Variants in MAD1L1 observed in about 807,000 individuals in gnomAD.
MAD1L1 encodes mitotic arrest deficient 1 like 1.
MAD1L1 carries 95 observed loss-of-function variants against 96.9 expected under a neutral mutation model. The observed-to-expected ratio is 0.98, with a 90% CI of 0.83 to 1.16. MAD1L1 has a LOEUF of 1.16. Ranked by LOEUF, MAD1L1 falls within the 50% of genes most tolerant of loss-of-function variation. The probability of loss-of-function intolerance (pLI) is 0.00; values close to 1 mark genes in which losing one functional copy is unlikely to be tolerated. For synonymous variants in MAD1L1, 473 were observed against 396.6 expected, an observed-to-expected ratio of 1.19 and a Z score of -2.29; for missense variants, 1,007 against 954.4, an observed-to-expected ratio of 1.06 and a Z score of -0.73.
At chr7:1,904,909 C>G (rs375283299) in intron 17 of MAD1L1, among the ~76,000 whole-genome samples, 7,615 of 54,150 alleles carry the variant, frequency 0.14, 1,394 homozygotes, top group Admixed American at 0.21. Flanking sequence ...AGGATGCAGT[C>G]GCCTATGGAA....
chr7:1,995,129 C>A (rs972050403), intron 14 of MAD1L1, among the ~76,000 whole-genome samples: 1 of 152,232 alleles, frequency 6.6e-6, no homozygotes, highest in Non-Finnish European at 1.5e-5. Context: ...AACTTCCCTC[C>A]AATGCAAGAG....
At chr7:1,841,053 T>G (rs1783227705) in intron 18 of MAD1L1, among the ~76,000 whole-genome samples, 1 of 152,202 alleles carries the variant, frequency 6.6e-6, no homozygotes, top group South Asian at 2.1e-4. Flanking sequence ...GGATTAGATG[T>G]GACCAAGGCC....
chr7:1,852,923 A>C (rs888487450), intron 18 of MAD1L1, among the ~76,000 whole-genome samples: 1 of 152,164 alleles, frequency 6.6e-6, no homozygotes, highest in Non-Finnish European at 1.5e-5. Flanking sequence ...CCATGTCTGC[A>C]TCATTTATCC....
At chr7:1,960,553 C>T (rs1779911955) in intron 15 of MAD1L1, among the ~76,000 whole-genome samples, 1 of 152,130 alleles carries the variant, frequency 6.6e-6, no homozygotes, top group Admixed American at 6.5e-5. Context: ...ATATTATTAC[C>T]AAGAAGGTAA....
chr7:1,830,255 C>G (rs182895134), intron 18 of MAD1L1, among the ~76,000 whole-genome samples: 1 of 152,088 alleles, frequency 6.6e-6, no homozygotes, highest in East Asian at 1.9e-4. Context: ...AAATTGGCCA[C>G]GTGCAGTGGC....
At chr7:1,983,146 GCGCGCGCGCACACACACACA>G (rs1315358298) in intron 14 of MAD1L1, among the ~76,000 whole-genome samples, 19 of 130,976 alleles carry the variant, frequency 1.5e-4, no homozygotes, top group African/African-American at 4.0e-4. Context: ...GCGCGCGCGC[GCGCGCGCGCACACACACACA>G]CACACACACA....
chr7:2,232,723 G>A (rs998414834), intron 1 of MAD1L1, 149 bp downstream of exon 1: 3 of 152,612 alleles, frequency 2.0e-5, no homozygotes, highest in Middle Eastern at 3.1e-3. Flanking sequence ...GGGAGACGGG[G>A]CGGGCGCGGG....
At chr7:2,184,145 G>A (rs1396336702) in intron 10 of MAD1L1, among the ~76,000 whole-genome samples, 7 of 152,038 alleles carry the variant, frequency 4.6e-5, no homozygotes, top group Middle Eastern at 3.4e-3. Flanking sequence ...CCAGCTACTC[G>A]GGAGGCTGAG....
At chr7:2,213,082 G>A in intron 10 of MAD1L1, 130 bp downstream of exon 10, 3 of 919,068 alleles carry the variant, frequency 3.3e-6, no homozygotes, top group Non-Finnish European at 5.1e-6. Flanking sequence ...AGCAGCCCAG[G>A]ACAAATGCCC....
At chr7:1,859,600 C>G (rs1784420315) in intron 18 of MAD1L1, among the ~76,000 whole-genome samples, 1 of 152,166 alleles carries the variant, frequency 6.6e-6, no homozygotes, top group African/African-American at 2.4e-5. Flanking sequence ...GGGGACCTTG[C>G]CAGCAAGGAG....
At chr7:1,922,343 G>A (rs761173514) in intron 17 of MAD1L1, among the ~76,000 whole-genome samples, 5 of 152,270 alleles carry the variant, frequency 3.3e-5, no homozygotes, top group Non-Finnish European at 7.3e-5. Context: ...GTGCTGTGGT[G>A]TTAGTGATGC....
intron 10 of MAD1L1, among the ~76,000 whole-genome samples, chr7:2,150,895 CAGA>C (rs1161314009): frequency 6.6e-6 from 1 of 152,234 alleles, no homozygotes; most frequent in East Asian, 1.9e-4. Context: ...GCGATGGGTG[CAGA>C]AGGAGTAGCT....
chr7:2,079,296 G>A (rs1584268765), intron 11 of MAD1L1, among the ~76,000 whole-genome samples: 1 of 152,198 alleles, frequency 6.6e-6, no homozygotes, highest in Non-Finnish European at 1.5e-5. Context: ...GCACGCAGCT[G>A]TTGTTATTTA....
intron 12 of MAD1L1, among the ~76,000 whole-genome samples, chr7:2,061,261 C>A (rs925515438): frequency 2.0e-5 from 3 of 152,168 alleles, no homozygotes; most frequent in South Asian, 2.1e-4. Context: ...TGCTTGAACC[C>A]GGGAGGCGGA....
chr7:1,921,313 ATTC>A (rs1788780037), intron 17 of MAD1L1, among the ~76,000 whole-genome samples: 1 of 151,804 alleles, frequency 6.6e-6, no homozygotes, highest in Non-Finnish European at 1.5e-5. Context: ...AATTTGACTA[ATTC>A]TTTTTTTTTT....
At chr7:2,066,380 C>G (rs1397105188) in intron 12 of MAD1L1, among the ~76,000 whole-genome samples, 1 of 152,252 alleles carries the variant, frequency 6.6e-6, no homozygotes, top group Non-Finnish European at 1.5e-5. Flanking sequence ...ACAGCTTCAT[C>G]ACGGCTGGCT....
At chr7:1,966,684 C>CA (rs1474076754) in intron 15 of MAD1L1, among the ~76,000 whole-genome samples, 5 of 150,750 alleles carry the variant, frequency 3.3e-5, no homozygotes, top group African/African-American at 4.9e-5. Context: ...AAACTGAAGG[C>CA]AAAAAAAATG....
intron 17 of MAD1L1, among the ~76,000 whole-genome samples, chr7:1,927,261 T>C (rs756919064): frequency 6.6e-6 from 1 of 152,212 alleles, no homozygotes; most frequent in Non-Finnish European, 1.5e-5. Flanking sequence ...AGAGCTACAT[T>C]GTGTTCATGT....
rs1410361045 is a variant in MAD1L1 at position 2,156,169 on chromosome 7, ACGG to A, written c.987-6934_987-6932del. Among the ~76,000 whole-genome samples, 85 of 147,326 alleles carry A rather than the reference ACGG, an allele frequency of 5.8e-4. 1 individual carries two copies. The highest frequency in any genetic ancestry group is 1.7e-3 in the African/African-American group (69 of 39,796). On this transcript the variant is annotated intron_variant, in intron 10 of 18. Transcript: ENST00000265854. ...CGGGTGTGGCGAGGGGAGCGGGCGCACGGTTTCACGGCGCGTGTGGCGAGGGGA... is the reference window on the plus strand; with the variant it reads ...CGGGTGTGGCGAGGGGAGCGGGCGCATTTCACGGCGCGTGTGGCGAGGGGA...
Sources: gnomAD v4.1 joint callset for allele counts (sites outside exome capture counted in the v4.1 genomes callset) on GRCh38, gnomAD v4.1.1 for gene constraint, MANE v1.5 for transcripts, NCBI Gene and HGNC (gene_info 2026-07-23, HGNC 2026-07-21) for gene names.